VWA5B1: variants seen among roughly 807,000 people sequenced by gnomAD.
VWA5B1 encodes von Willebrand factor A domain-containing protein 5B1.
Under a neutral mutation model 118.2 loss-of-function variants are expected in VWA5B1, and 115 were observed. The ratio of observed to expected loss-of-function variants is 0.97; its 90% CI spans 0.84 to 1.14. VWA5B1 has a LOEUF of 1.14. VWA5B1 is among the 50% of genes most tolerant of loss of function. The pLI is 0.00. For synonymous variants in VWA5B1, 682 were observed against 658.4 expected, an observed-to-expected ratio of 1.04 and a Z score of -0.55; for missense variants, 1,596 against 1,603.8, an observed-to-expected ratio of 1.00 and a Z score of 0.08.
chr1:20,345,375 C>A, intron 16 of VWA5B1, 81 bp from the exon 17 acceptor site: 2 of 1,535,078 alleles, frequency 1.3e-6, no homozygotes, highest in Non-Finnish European at 1.8e-6. Flanking sequence ...TTAGGTAGAG[C>A]CCCCTTTTTA....
At chr1:20,303,901 G>A (rs1040107752) in intron 1 of VWA5B1, among the ~76,000 whole-genome samples, 4 of 152,210 alleles carry the variant, frequency 2.6e-5, no homozygotes, top group African/African-American at 9.6e-5. Flanking sequence ...CCTGAGCAGG[G>A]GAAATAGCAG....
At chr1:20,330,443 A>G in intron 10 of VWA5B1, 61 bp downstream of exon 10, 1 of 1,536,686 alleles carries the variant, frequency 6.5e-7, no homozygotes, top group Non-Finnish European at 8.8e-7. Flanking sequence ...GGGGCGCCAG[A>G]GCCCAAGGGC....
intron 1 of VWA5B1, among the ~76,000 whole-genome samples, chr1:20,303,739 T>C (rs2088564672): frequency 6.6e-6 from 1 of 152,026 alleles, no homozygotes; most frequent in Non-Finnish European, 1.5e-5. Flanking sequence ...GAAAAGCAAA[T>C]ATCCCCCAGC....
chr1:20,348,190 C>A, intron 17 of VWA5B1, 55 bp from the exon 18 acceptor site: 2 of 1,482,000 alleles, frequency 1.3e-6, no homozygotes, highest in Non-Finnish European at 1.8e-6. Context: ...GGGGGAAAGG[C>A]AAAGGACTGG....
chr1:20,309,897 G>A (rs1412869240), intron 1 of VWA5B1, among the ~76,000 whole-genome samples: 8 of 145,434 alleles, frequency 5.5e-5, no homozygotes, highest in South Asian at 2.3e-4. Flanking sequence ...GGGTCTTGGC[G>A]ATGGATTGGC....
Position 20,317,563 on chromosome 1 carries a change from G to C in VWA5B1, c.597G>C (p.Pro199=). 1 of 1,551,636 alleles carries C rather than the reference G, an allele frequency of 6.4e-7. No individual in the cohort carries two copies. Among genetic ancestry groups the C allele is most frequent in the African/African-American group, 1.4e-5 (1 of 73,122 alleles). The part of the protein sequence containing the change: ...KDRHCFGAWA[P]GSWNKLCLAT... ...GGCACTGCTTCGGTGCCTGGGCCCC[G>C]GGCTCCTGGAATAAGTTGTGCCTGG... Residue 199 remains proline (P), a synonymous_variant, in exon 5 of 22, where the codon CCG becomes CCC. Coordinates refer to ENST00000289815, the MANE Select transcript of VWA5B1 (RefSeq NM_001039500.3).
At position 20,358,393 on chromosome 1, in the gene VWA5B1, G is replaced by C. The variant is rs1311863976; in HGVS notation, c.*4130G>C. Among the ~76,000 whole-genome samples, 2 of 152,156 alleles carry C rather than the reference G, an allele frequency of 1.3e-5. No individual in the cohort carries two copies. Among genetic ancestry groups the C allele is most frequent in the African/African-American group, 4.8e-5 (2 of 41,428 alleles). ...CTGTTAATCCCTACCCTTATTTGAG[G>C]GCCATGCTACTGTTCCCCTTCTCTC... On this transcript the variant is annotated 3_prime_UTR_variant, in exon 22 of 22. Transcript: ENST00000289815.
Position 20,358,270 on chromosome 1 carries a change from G to A in VWA5B1, c.*4007G>A, listed in dbSNP as rs2090263581. On this transcript the variant is annotated 3_prime_UTR_variant, in exon 22 of 22. Coordinates refer to ENST00000289815, the MANE Select transcript of VWA5B1 (RefSeq NM_001039500.3). ...GCTTTCACCTGCTCTTCAGAGACATGAAAAGCAAGGGTTCCTCCTTCTCCC... is the reference window on the plus strand; with the variant it reads ...GCTTTCACCTGCTCTTCAGAGACATAAAAAGCAAGGGTTCCTCCTTCTCCC... Among the ~76,000 whole-genome samples the A allele has an allele frequency of 6.6e-6, 1 of 152,342 alleles. No homozygotes were observed. Among genetic ancestry groups the A allele is most frequent in the Admixed American group, 6.5e-5 (1 of 15,306 alleles).
intron 1 of VWA5B1, among the ~76,000 whole-genome samples, chr1:20,305,391 C>T (rs1374592551): frequency 6.6e-6 from 1 of 152,034 alleles, no homozygotes; most frequent in Non-Finnish European, 1.5e-5. Flanking sequence ...GAGATGATGG[C>T]AGGGCTTGGG....
At chr1:20,350,323 A>T in intron 19 of VWA5B1, 93 bp downstream of exon 19, 1 of 1,406,532 alleles carries the variant, frequency 7.1e-7, no homozygotes, top group Non-Finnish European at 9.8e-7. Context: ...CAAAGTCCTC[A>T]GGGCTTCATG....
intron 7 of VWA5B1, among the ~76,000 whole-genome samples, chr1:20,320,053 A>T (rs1330174906): frequency 6.6e-6 from 1 of 152,200 alleles, no homozygotes; most frequent in African/African-American, 2.4e-5. Flanking sequence ...GGAACGTTGG[A>T]GGCTGAGCGT....
At chr1:20,293,640 C>T (rs2088353276) in intron 1 of VWA5B1, among the ~76,000 whole-genome samples, 1 of 152,188 alleles carries the variant, frequency 6.6e-6, no homozygotes, top group East Asian at 1.9e-4. Context: ...AAGAGGGTCA[C>T]CTAAACAGGA....
At chr1:20,324,257 G>A (rs1425801901) in intron 8 of VWA5B1, among the ~76,000 whole-genome samples, 1 of 152,218 alleles carries the variant, frequency 6.6e-6, no homozygotes, top group Admixed American at 6.5e-5. Context: ...AGGCCTGCTA[G>A]CCAATCAGAA....
At chr1:20,297,996 A>ATT (rs60497976) in intron 1 of VWA5B1, among the ~76,000 whole-genome samples, 1,395 of 126,302 alleles carry the variant, frequency 0.011, 49 homozygotes, top group African/African-American at 0.036. Context: ...TCGGTGGTGG[A>ATT]TTTTTTTTTT....
chr1:20,358,078 A>G lies in VWA5B1; in HGVS notation c.*3815A>G, dbSNP rs1375723819. 4.6e-5 allele frequency among the ~76,000 whole-genome samples: 7 copies of G among 152,188 alleles called. No homozygotes were observed. Among genetic ancestry groups the G allele is most frequent in the Admixed American group, 4.6e-4 (7 of 15,282 alleles). On this transcript the variant is annotated 3_prime_UTR_variant, in exon 22 of 22. Coordinates refer to ENST00000289815, the MANE Select transcript of VWA5B1 (RefSeq NM_001039500.3). Reference sequence around the variant, plus strand: ...TGGCAGACTTACACTGGACTTGTCCATAAGCGGCCTCGGTTTCCAGCCGGC... The same window carrying G: ...TGGCAGACTTACACTGGACTTGTCCGTAAGCGGCCTCGGTTTCCAGCCGGC...
At chr1:20,343,654 C>G (rs2089941289) in intron 16 of VWA5B1, among the ~76,000 whole-genome samples, 1 of 127,842 alleles carries the variant, frequency 7.8e-6, no homozygotes, top group Non-Finnish European at 1.7e-5. Flanking sequence ...GCCTAGTGCC[C>G]CGCACACCCC....
intron 14 of VWA5B1, among the ~76,000 whole-genome samples, chr1:20,340,177 C>T (rs1288154824): frequency 3.3e-5 from 5 of 150,802 alleles, no homozygotes; most frequent in South Asian, 2.1e-4. Context: ...TGCATGCACA[C>T]GCAACACACT....
chr1:20,340,999 A>G (rs1208299531), intron 14 of VWA5B1, among the ~76,000 whole-genome samples: 3 of 152,232 alleles, frequency 2.0e-5, no homozygotes, highest in East Asian at 1.9e-4. Flanking sequence ...GAACAGTTCT[A>G]TGAGATTTGA....
chr1:20,344,221 T>C (rs2089961516), intron 16 of VWA5B1, among the ~76,000 whole-genome samples: 1 of 151,352 alleles, frequency 6.6e-6, no homozygotes, highest in Non-Finnish European at 1.5e-5. Flanking sequence ...CCTGCCTCAT[T>C]TCTCTCTCTT....
Sources: gnomAD v4.1 joint callset for allele counts (sites outside exome capture counted in the v4.1 genomes callset) on GRCh38, gnomAD v4.1.1 for gene constraint, MANE v1.5 for transcripts, NCBI Gene and HGNC (gene_info 2026-07-23, HGNC 2026-07-21) for gene names.